The following GPR21 variants were observed in gnomAD, a reference collection of about 807,000 sequenced individuals.
GPR21 encodes the protein G protein-coupled receptor 21.
GPR21 carries 9 observed loss-of-function variants against 21.5 expected under a neutral mutation model. That is an observed-to-expected ratio of 0.42 (90% confidence interval 0.25 to 0.73). GPR21 has a LOEUF of 0.73. Among genes scored for constraint, GPR21 ranks in the 30% least tolerant of loss-of-function variants. The probability of loss-of-function intolerance (pLI) is 0.27; values close to 1 mark genes in which losing one functional copy is unlikely to be tolerated. For synonymous variants in GPR21, 169 were observed against 159.3 expected (o/e 1.06, Z -0.46); for missense variants, 416 against 428.9 (o/e 0.97, Z 0.27).
chr9:123,035,733 CT>C (rs2032618902), downstream of GPR21: 2 of 666,948 alleles, frequency 3.0e-6, no homozygotes, highest in Non-Finnish European at 5.0e-6. Flanking sequence ...GGACAGAATA[CT>C]TTGACTCTAA....
chr9:123,043,195 G>A, the GPR21 span, among the ~76,000 whole-genome samples: 1 of 152,090 alleles, frequency 6.6e-6, no homozygotes, highest in South Asian at 2.1e-4. Flanking sequence ...GAATGAGGGA[G>A]GAAATAAATA....
At chr9:123,047,352 A>G in the GPR21 span, among the ~76,000 whole-genome samples, 6 of 152,348 alleles carry the variant, frequency 3.9e-5, no homozygotes, top group Non-Finnish European at 2.9e-5. Context: ...TTGCTTAAAT[A>G]AAATGGAAGA....
At chr9:123,041,586 TA>T in the GPR21 span, among the ~76,000 whole-genome samples, 71 of 152,076 alleles carry the variant, frequency 4.7e-4, no homozygotes, top group Non-Finnish European at 8.2e-4. Flanking sequence ...AACTCCACTA[TA>T]AAGAATAGCA....
At chr9:123,042,951 A>G in the GPR21 span, among the ~76,000 whole-genome samples, 3 of 152,212 alleles carry the variant, frequency 2.0e-5, no homozygotes, top group Non-Finnish European at 4.4e-5. Context: ...GTCTAAACAT[A>G]CAAAGTATAG....
At chr9:123,035,742 T>C (rs1588309226), downstream of GPR21, 15 of 625,162 alleles carry the variant, frequency 2.4e-5, no homozygotes, top group East Asian at 4.1e-4. Context: ...ACTTTGACTC[T>C]AAACAATAGC....
chr9:123,037,893 G>T (rs970030212), downstream of GPR21, among the ~76,000 whole-genome samples: 4 of 152,076 alleles, frequency 2.6e-5, no homozygotes, highest in African/African-American at 9.7e-5. Context: ...TTAAATACCA[G>T]TCTGACTTCA....
the GPR21 span, among the ~76,000 whole-genome samples, chr9:123,045,479 T>C: frequency 6.6e-6 from 1 of 152,188 alleles, no homozygotes; most frequent in Non-Finnish European, 1.5e-5. Flanking sequence ...TTATATATCA[T>C]TAACATCATT....
rs570338392 is a variant in GPR21, at chr9:123,034,331, G to A, written c.-236G>A. On this transcript the variant is annotated 5_prime_UTR_variant, in exon 2 of 2. Coordinates refer to ENST00000616002, the MANE Select transcript of GPR21 (RefSeq NM_005294.3). ...GTATGGTGAACCTGGCACTATGGCC[G>A]CGTCTGGGACTGGCCAGACAACTGC... 34 of 535,792 alleles carry A rather than the reference G, an allele frequency of 6.3e-5. No homozygotes were observed. The highest frequency in any genetic ancestry group is 3.2e-4 in the African/African-American group (17 of 52,468). The allele number at this position is 535,792 out of a possible 1,614,324, so 33.2% of individuals were successfully genotyped here. A position where few individuals can be genotyped will look rare whatever the true frequency, so the allele number is the denominator to read the frequency against.
At chr9:123,040,084 G>A (rs1198219313), downstream of GPR21, among the ~76,000 whole-genome samples, 1 of 152,030 alleles carries the variant, frequency 6.6e-6, no homozygotes, top group African/African-American at 2.4e-5. Flanking sequence ...CCTCAGAGAG[G>A]GATCAAAGAA....
the GPR21 span, among the ~76,000 whole-genome samples, chr9:123,043,173 T>C: frequency 6.6e-6 from 1 of 152,186 alleles, no homozygotes; most frequent in African/African-American, 2.4e-5. Context: ...TACTGAAGGA[T>C]ATGCTTCTCC....
At position 123,034,401 on chromosome 9, in the gene GPR21, C is replaced by T. The variant is rs1294486306; in HGVS notation, c.-166C>T. The T allele has an allele frequency of 4.9e-6, 3 of 608,924 alleles. No individual in the cohort carries two copies. The highest frequency in any genetic ancestry group is 5.9e-5 in the Admixed American group (2 of 33,730). The allele number at this position is 608,924 out of a possible 1,614,324, so 37.7% of individuals were successfully genotyped here. A position where few individuals can be genotyped will look rare whatever the true frequency, so the allele number is the denominator to read the frequency against. ...AGGAAGGATTTAAAGGGGAATTGCACTGCAGGCAATGCACCAGAGCAGCAG... is the reference window on the plus strand; with the variant it reads ...AGGAAGGATTTAAAGGGGAATTGCATTGCAGGCAATGCACCAGAGCAGCAG... On this transcript the variant is annotated 5_prime_UTR_variant, in exon 2 of 2. Transcript: ENST00000616002.
In GPR21 at chr9:123,035,046, C is replaced by T. The variant is rs746696391; in HGVS notation, c.480C>T (p.Val160=). 1 of 1,613,940 alleles carries T rather than the reference C, an allele frequency of 6.2e-7. No homozygotes were observed. Among genetic ancestry groups the T allele is most frequent in the African/African-American group, 1.3e-5 (1 of 74,930 alleles). The change falls in exon 2 of 2, where the codon GTC becomes GTT. Residue 160 remains valine, a synonymous_variant. Coordinates refer to ENST00000616002, the MANE Select transcript of GPR21 (RefSeq NM_005294.3). ...TGATTTGGCTATACTCGACCCTGGT[C>T]TTCCTGCCTTCCTTTTTCCACTGGG... ...IFLIWLYSTL[V]FLPSFFHWGK...
chr9:123,034,753 A>G lies in GPR21; in HGVS notation c.187A>G (p.Thr63Ala), dbSNP rs751807208. Residue 63 changes from threonine to alanine, a missense_variant, in exon 2 of 2, where the codon ACT becomes GCT. By Grantham distance (58) the Thr-to-Ala change is moderately conservative. Coordinates refer to ENST00000616002, the MANE Select transcript of GPR21 (RefSeq NM_005294.3). ...FHCAPLLNHH[T>A]TSYFIQTMAY... is the part of the protein sequence containing the mutation. ...CTGTGCACCTTTGTTGAACCATCAC[A>G]CTACAAGTTATTTTATCCAGACTAT... 14 of 1,613,920 alleles carry G rather than the reference A, an allele frequency of 8.7e-6. No homozygotes were observed. The South Asian group carries it at 1.5e-4, about 18-fold the overall frequency.
Position 123,034,287 on chromosome 9 carries a change from T to C in GPR21, c.-280T>C. ...AAGACGTTCTCCCCAGAGTTTACCT[T>C]GCTCCCCTGGTGCTATGTGTATGGT... On this transcript the variant is annotated 5_prime_UTR_variant, in exon 2 of 2. Transcript: ENST00000616002. 2.2e-6 allele frequency: 1 copy of C among 460,916 alleles called. No homozygotes were observed. The highest frequency in any genetic ancestry group is 3.8e-6 in the Non-Finnish European group (1 of 263,552). 28.6% of individuals were successfully genotyped at this position (460,916 alleles called of 1,614,324 possible). A position where few individuals can be genotyped will look rare whatever the true frequency, so the allele number is the denominator to read the frequency against.
At chr9:123,047,572 A>G in the GPR21 span, among the ~76,000 whole-genome samples, 1 of 152,140 alleles carries the variant, frequency 6.6e-6, no homozygotes, top group African/African-American at 2.4e-5. Context: ...TTATACTTCT[A>G]AAATAAGATA....
chr9:123,046,659 C>T, the GPR21 span, among the ~76,000 whole-genome samples: 2 of 152,192 alleles, frequency 1.3e-5, no homozygotes, highest in East Asian at 3.8e-4. Context: ...AGTAAGCACT[C>T]AGTACATGTT....
chr9:123,045,748 T>G, the GPR21 span, among the ~76,000 whole-genome samples: 1 of 152,158 alleles, frequency 6.6e-6, no homozygotes, highest in South Asian at 2.1e-4. Flanking sequence ...TCCTCTGAGA[T>G]AAAGAGGAAG....
At chr9:123,048,832 G>A in the GPR21 span, among the ~76,000 whole-genome samples, 1 of 152,160 alleles carries the variant, frequency 6.6e-6, no homozygotes, top group Non-Finnish European at 1.5e-5. Flanking sequence ...TGCTGTGAAG[G>A]AGAATCAACA....
downstream of GPR21, among the ~76,000 whole-genome samples, chr9:123,036,956 G>T (rs577633173): frequency 6.6e-6 from 1 of 152,242 alleles, no homozygotes; most frequent in Admixed American, 6.5e-5. Flanking sequence ...AGAGCAAGAG[G>T]TTTATTTTTC....
Sources: allele counts gnomAD v4.1 joint callset (sites outside exome capture counted in the v4.1 genomes callset), GRCh38; gene constraint gnomAD v4.1.1; transcripts MANE v1.5; gene names NCBI Gene and HGNC (gene_info 2026-07-23, HGNC 2026-07-21).